CACNA1C: variants seen among roughly 807,000 people sequenced by gnomAD.
CACNA1C encodes calcium voltage-gated channel subunit alpha1 C.
CACNA1C carries 30 observed loss-of-function variants against 229.0 expected under a neutral mutation model. The observed-to-expected ratio is 0.13, with a 90% CI of 0.10 to 0.18. CACNA1C has a LOEUF of 0.18. CACNA1C is among the 10% of genes least tolerant of loss of function. The probability of loss-of-function intolerance (pLI) is 1.00; values close to 1 mark genes in which losing one functional copy is unlikely to be tolerated. For synonymous variants in CACNA1C, 1,114 were observed against 1,132.5 expected (o/e 0.98, Z 0.33); for missense variants, 1,658 against 2,845.0 (o/e 0.58, Z 9.49).
At position 2,612,032 on chromosome 12, in the gene CACNA1C, C is replaced by T; in HGVS notation, c.3828+19C>T. 7.1e-7 allele frequency: 1 copy of T among 1,409,040 alleles called. No individual in the cohort carries two copies. Among genetic ancestry groups the T allele is most frequent in the Non-Finnish European group, 1.0e-6 (1 of 993,476 alleles). 87.3% of individuals were successfully genotyped at this position (1,409,040 alleles called of 1,614,324 possible). A position where few individuals can be genotyped will look rare whatever the true frequency, so the allele number is the denominator to read the frequency against. ...ACCCAAGGTAGGCCTCTGAGAAAGACCTTTGATTCCCAGGCATCAGGGGTG... is the reference window on the plus strand; with the variant it reads ...ACCCAAGGTAGGCCTCTGAGAAAGATCTTTGATTCCCAGGCATCAGGGGTG... On this transcript the variant is annotated intron_variant, in intron 29 of 46. Coordinates refer to ENST00000399655, the MANE Select transcript of CACNA1C (RefSeq NM_000719.7).
At chr12:2,051,918 G>T (rs2052319295), upstream of CACNA1C, among the ~76,000 whole-genome samples, 1 of 152,228 alleles carries the variant, frequency 6.6e-6, no homozygotes, top group Non-Finnish European at 1.5e-5. Context: ...CCACGGGAAT[G>T]GTTAGGGTCA....
chr12:2,401,083 C>A (rs915187957), intron 3 of CACNA1C, among the ~76,000 whole-genome samples: 3 of 152,242 alleles, frequency 2.0e-5, no homozygotes, highest in African/African-American at 7.2e-5. Context: ...CCAGCTCCTG[C>A]CCACAGCCTT....
At chr12:2,464,446 C>A (rs1013628012) in intron 5 of CACNA1C, among the ~76,000 whole-genome samples, 21 of 152,196 alleles carry the variant, frequency 1.4e-4, no homozygotes, top group Admixed American at 3.9e-4. Context: ...GTCCCTGAAA[C>A]TGACATATTT....
At chr12:2,000,090 A>G (rs1026399884) in intron 1 of CACNA1C, among the ~76,000 whole-genome samples, 5 of 152,254 alleles carry the variant, frequency 3.3e-5, no homozygotes, top group Admixed American at 6.5e-5. Flanking sequence ...TGGCCCCTAC[A>G]GTACAGTAAA....
chr12:2,200,327 C>T (rs1284844071), intron 3 of CACNA1C, among the ~76,000 whole-genome samples: 1 of 152,186 alleles, frequency 6.6e-6, no homozygotes, highest in African/African-American at 2.4e-5. Context: ...GTGTCAGGCA[C>T]TATTCTAGAG....
intron 1 of CACNA1C, among the ~76,000 whole-genome samples, chr12:2,008,712 T>G (rs2154481774): frequency 6.6e-6 from 1 of 152,304 alleles, no homozygotes; most frequent in South Asian, 2.1e-4. Context: ...ATGGAAAGGT[T>G]TTTGGTTTTT....
intron 9 of CACNA1C, among the ~76,000 whole-genome samples, chr12:2,526,009 T>C (rs2154580964): frequency 6.6e-6 from 1 of 152,298 alleles, no homozygotes; most frequent in Middle Eastern, 3.4e-3. Flanking sequence ...GATGGAATTC[T>C]TCAAAATAGA....
At chr12:2,402,764 C>G (rs2098694126) in intron 3 of CACNA1C, among the ~76,000 whole-genome samples, 1 of 152,162 alleles carries the variant, frequency 6.6e-6, no homozygotes, top group South Asian at 2.1e-4. Flanking sequence ...CCAGTGGGAG[C>G]CCTGGTGGTC....
At chr12:2,684,189 C>T (rs887521382) in intron 43 of CACNA1C, among the ~76,000 whole-genome samples, 4 of 152,190 alleles carry the variant, frequency 2.6e-5, no homozygotes, top group South Asian at 2.1e-4. Flanking sequence ...GAAGCACCTC[C>T]TTTTCCCCAG....
At chr12:1,994,571 A>C (rs1052136260) in intron 1 of CACNA1C, among the ~76,000 whole-genome samples, 22 of 152,146 alleles carry the variant, frequency 1.4e-4, no homozygotes, top group African/African-American at 5.3e-4. Context: ...ATGAAAATGT[A>C]CTCCCAAAGA....
chr12:2,509,489 C>T (rs377450689), intron 8 of CACNA1C, among the ~76,000 whole-genome samples: 6 of 152,224 alleles, frequency 3.9e-5, no homozygotes, highest in South Asian at 4.2e-4. Context: ...AATACATAAC[C>T]TTGTTTTAAG....
chr12:2,004,028 G>C lies in CACNA1C; in HGVS notation c.139+32827G>C, dbSNP rs192545133. On this transcript the variant is annotated intron_variant, in intron 1 of 46. Coordinates refer to the CACNA1C transcript ENST00000682462. ...GGCTCTTATGGTGCCGTACCCGATC[G>C]GTCTGGTCTCCCAGCGTTGGGTACG... Among the ~76,000 whole-genome samples, 134 of 152,060 alleles carry C rather than the reference G, an allele frequency of 8.8e-4. 4 individuals carry two copies. The East Asian group carries it at 0.023, about 26-fold the overall frequency.
chr12:2,166,529 T>A (rs1314313636), intron 3 of CACNA1C, among the ~76,000 whole-genome samples: 1 of 152,228 alleles, frequency 6.6e-6, no homozygotes, highest in African/African-American at 2.4e-5. Flanking sequence ...TCTTGAAGTC[T>A]TGCTCTCTGT....
chr12:2,478,801 C>T (rs1037281996), intron 5 of CACNA1C, among the ~76,000 whole-genome samples: 1 of 152,168 alleles, frequency 6.6e-6, no homozygotes, highest in Non-Finnish European at 1.5e-5. Context: ...GCACTCTCCT[C>T]CTTCTCCCAC....
intron 3 of CACNA1C, among the ~76,000 whole-genome samples, chr12:2,353,885 C>T (rs1255282544): frequency 2.0e-5 from 3 of 152,156 alleles, no homozygotes; most frequent in Admixed American, 6.5e-5. Context: ...ACCTTCTGGT[C>T]CCGAATGCTG....
intron 3 of CACNA1C, among the ~76,000 whole-genome samples, chr12:2,391,929 A>G (rs2154548869): frequency 6.6e-6 from 1 of 152,336 alleles, no homozygotes; most frequent in East Asian, 1.9e-4. Context: ...GCTGGTGGCC[A>G]CCATGCTGCA....
intron 1 of CACNA1C, chr12:1,993,189 G>A (rs1459364701): frequency 5.0e-6 from 8 of 1,599,808 alleles, no homozygotes; most frequent in Non-Finnish European, 6.0e-6. Flanking sequence ...AAACACAATG[G>A]CAAACACTGT....
chr12:2,050,340 C>A (rs1013010807), upstream of CACNA1C, among the ~76,000 whole-genome samples: 5 of 152,140 alleles, frequency 3.3e-5, no homozygotes, highest in Admixed American at 3.3e-4. Context: ...GTCTCAGTTT[C>A]CATATCTGTA....
chr12:2,601,712 C>A lies in CACNA1C; in HGVS notation c.2854-142C>A, dbSNP rs1444403830. On this transcript the variant is annotated intron_variant, in intron 21 of 46. Coordinates refer to ENST00000399655, the MANE Select transcript of CACNA1C (RefSeq NM_000719.7). The surrounding 1 kb of genome is among the most constrained non-coding windows in gnomAD (Gnocchi z 5.9). ...CAGAACTCTTTTCTTGGCACCATAG[C>A]GCCGTCTTTGTCCTTCCTGTTCCCC... 5 of 675,294 alleles carry A rather than the reference C, an allele frequency of 7.4e-6. No homozygotes were observed. The East Asian group carries it at 8.2e-5, about 11-fold the overall frequency. 41.8% of individuals were successfully genotyped at this position (675,294 alleles called of 1,614,324 possible).
Sources: allele counts gnomAD v4.1 joint callset (sites outside exome capture counted in the v4.1 genomes callset), GRCh38; gene constraint gnomAD v4.1.1; non-coding constraint Gnocchi (gnomAD v3.1); transcripts MANE v1.5; gene names NCBI Gene and HGNC (gene_info 2026-07-23, HGNC 2026-07-21).